The following RPS6KA2 variants were observed in gnomAD, a reference collection of about 807,000 sequenced individuals.
RPS6KA2 encodes ribosomal protein S6 kinase A2.
Under a neutral mutation model 91.8 loss-of-function variants are expected in RPS6KA2, and 42 were observed. The ratio of observed to expected loss-of-function variants is 0.46; its 90% CI spans 0.36 to 0.59. RPS6KA2 has a LOEUF of 0.59. RPS6KA2 is among the 20% of genes least tolerant of loss of function. The pLI, the probability that RPS6KA2 is intolerant of heterozygous loss-of-function variation, is 0.00. For missense variants in RPS6KA2, 798 were observed against 978.5 expected (o/e 0.82, Z 2.46); for synonymous variants, 414 against 393.6 (o/e 1.05, Z -0.61).
chr6:166,769,415 G>A (rs1048614847), intron 2 of RPS6KA2, among the ~76,000 whole-genome samples: 3 of 152,142 alleles, frequency 2.0e-5, no homozygotes, highest in East Asian at 1.9e-4. Context: ...AATAGAAGAC[G>A]GTGTTCCTCC....
intron 2 of RPS6KA2, among the ~76,000 whole-genome samples, chr6:166,727,612 T>A (rs1244808658): frequency 1.3e-5 from 2 of 151,944 alleles, no homozygotes; most frequent in African/African-American, 4.8e-5. Flanking sequence ...GGCACTCTAA[T>A]GTACCAGCAC....
intron 12 of RPS6KA2, among the ~76,000 whole-genome samples, chr6:166,455,835 T>C (rs1430099437): frequency 9.2e-5 from 14 of 152,168 alleles, no homozygotes. Context: ...CCCGGAAAAA[T>C]GAAACACACA....
chr6:166,755,395 C>G (rs965836848), intron 2 of RPS6KA2, among the ~76,000 whole-genome samples: 1 of 152,104 alleles, frequency 6.6e-6, no homozygotes, highest in Non-Finnish European at 1.5e-5. Context: ...GGTGAACTCT[C>G]CAGGAGAACC....
At chr6:166,444,713 T>G (rs773382746) in intron 14 of RPS6KA2, among the ~76,000 whole-genome samples, 3 of 152,344 alleles carry the variant, frequency 2.0e-5, no homozygotes, top group South Asian at 2.1e-4. Flanking sequence ...TAGTGTTGTT[T>G]GCCGAAGTCG....
intron 2 of RPS6KA2, among the ~76,000 whole-genome samples, chr6:166,773,659 C>T (rs1050271507): frequency 5.9e-5 from 9 of 152,280 alleles, no homozygotes; most frequent in South Asian, 2.1e-4. Flanking sequence ...TTTGGCCTCC[C>T]GAAACACTGG....
At chr6:166,795,032 A>T (rs1779189210) in intron 2 of RPS6KA2, among the ~76,000 whole-genome samples, 2 of 151,994 alleles carry the variant, frequency 1.3e-5, no homozygotes, top group African/African-American at 4.8e-5. Flanking sequence ...AATAAAAAAT[A>T]AAAATAAAAT....
chr6:166,779,344 T>C (rs527643085), intron 2 of RPS6KA2, among the ~76,000 whole-genome samples: 2 of 152,222 alleles, frequency 1.3e-5, no homozygotes, highest in African/African-American at 4.8e-5. Context: ...CTGTAATTTA[T>C]AGATGCTGAG....
In RPS6KA2 at chr6:166,732,750, C is replaced by T. The variant is rs1202875662; in HGVS notation, c.123+125450G>A. 6.6e-6 allele frequency among the ~76,000 whole-genome samples: 1 copy of T among 152,120 alleles called. No homozygotes were observed. Among genetic ancestry groups the T allele is most frequent in the African/African-American group, 2.4e-5 (1 of 41,410 alleles). On this transcript the variant is annotated intron_variant, in intron 2 of 21. Transcript: ENST00000503859. This position sits in a 1 kb window ranked among gnomAD's most constrained non-coding sequence, Gnocchi z 4.0. ...GCACCCAGGGCACAGCACAGGGGCC[C>T]GGTCAGAGCCTCTTCCTACCAGAGG...
At chr6:166,779,504 A>G (rs931289244) in intron 2 of RPS6KA2, among the ~76,000 whole-genome samples, 1 of 151,902 alleles carries the variant, frequency 6.6e-6, no homozygotes, top group Non-Finnish European at 1.5e-5. Flanking sequence ...TGTGCTTGTG[A>G]CCCCAACCCT....
At chr6:166,780,362 GGA>G (rs1417555759) in intron 2 of RPS6KA2, among the ~76,000 whole-genome samples, 1 of 152,218 alleles carries the variant, frequency 6.6e-6, no homozygotes, top group East Asian at 1.9e-4. Context: ...CTGGCCATGG[GGA>G]GAGAGATGGG....
At position 166,735,576 on chromosome 6, in the gene RPS6KA2, C is replaced by G. The variant is rs192819881; in HGVS notation, c.123+122624G>C. 2.2e-4 allele frequency among the ~76,000 whole-genome samples: 33 copies of G among 152,306 alleles called. No homozygotes were observed. The East Asian group carries it at 4.2e-3, about 20-fold the overall frequency. The stretch of plus-strand genomic sequence containing the variant: ...CTAAGCTTGTTTTCCCGCAACTAAA[C>G]GGTCTCATGTGGGGGTGATGGGAGA... On this transcript the variant is annotated intron_variant, in intron 2 of 21. Coordinates refer to the RPS6KA2 transcript ENST00000503859.
intron 2 of RPS6KA2, among the ~76,000 whole-genome samples, chr6:166,649,170 C>G (rs980530751): frequency 6.6e-6 from 1 of 152,200 alleles, no homozygotes; most frequent in Non-Finnish European, 1.5e-5. Context: ...CCAAACCCAG[C>G]AGGACCAGGT....
chr6:166,642,804 C>T (rs780304467), intron 2 of RPS6KA2, among the ~76,000 whole-genome samples: 3 of 152,238 alleles, frequency 2.0e-5, no homozygotes, highest in Non-Finnish European at 4.4e-5. Context: ...GGGTCCTGAG[C>T]GTCACTGCAC....
At chr6:166,812,284 A>C (rs1228516004) in intron 2 of RPS6KA2, among the ~76,000 whole-genome samples, 1 of 152,126 alleles carries the variant, frequency 6.6e-6, no homozygotes, top group Non-Finnish European at 1.5e-5. Context: ...TGAACTTGGG[A>C]GACAGAGGCT....
intron 3 of RPS6KA2, among the ~76,000 whole-genome samples, chr6:166,524,379 G>A (rs3778417): frequency 0.38 from 57,975 of 151,912 alleles, 11,280 homozygotes; most frequent in East Asian, 0.52. Flanking sequence ...TGCGGAGAGC[G>A]CCTACCGAGA....
rs771964183 is a variant in RPS6KA2, at chr6:166,469,918, C to G, written c.908-13G>C. The G allele has an allele frequency of 2.5e-6, 4 of 1,610,834 alleles. No homozygotes were observed. Among genetic ancestry groups the G allele is most frequent in the Non-Finnish European group, 2.5e-6 (3 of 1,176,912 alleles). On this transcript the variant is annotated splice_polypyrimidine_tract_variant and intron_variant, in intron 10 of 20. Coordinates refer to ENST00000265678, the MANE Select transcript of RPS6KA2 (RefSeq NM_021135.6). Reference sequence around the variant, plus strand: ...TCAATGCCAGCACCTGTCAACAACACAGAAATGATCATCAGAACAAATCCA... The same window carrying G: ...TCAATGCCAGCACCTGTCAACAACAGAGAAATGATCATCAGAACAAATCCA...
At chr6:166,682,433 C>T (rs1788853716) in intron 2 of RPS6KA2, among the ~76,000 whole-genome samples, 2 of 152,144 alleles carry the variant, frequency 1.3e-5, no homozygotes, top group African/African-American at 4.8e-5. Context: ...AGAATGCCCA[C>T]AGGTGGGGTC....
At chr6:166,510,389 G>T in intron 3 of RPS6KA2, 32 bp from the exon 4 acceptor site, 2 of 1,436,712 alleles carry the variant, frequency 1.4e-6, no homozygotes, top group Non-Finnish European at 1.9e-6. Context: ...GCTTTCATGA[G>T]GCAGGAAATA....
In RPS6KA2 at chr6:166,585,066, C is replaced by T. The variant is rs3799605; in HGVS notation, c.99+41855G>A. Among the ~76,000 whole-genome samples, 6 of 145,384 alleles carry T rather than the reference C, an allele frequency of 4.1e-5. No homozygotes were observed. In the East Asian group the frequency reaches 7.7e-4, roughly 19 times the overall value. ...TTTGCACCTCTGAGTGCTGAGCACA[C>T]GTGTGGTGACGATGTTGCTACAACG... On this transcript the variant is annotated intron_variant, in intron 1 of 20. Transcript: ENST00000265678.
Sources: allele counts gnomAD v4.1 joint callset (sites outside exome capture counted in the v4.1 genomes callset), GRCh38; gene constraint gnomAD v4.1.1; non-coding constraint Gnocchi (gnomAD v3.1); transcripts MANE v1.5; gene names NCBI Gene and HGNC (gene_info 2026-07-23, HGNC 2026-07-21).